Variants in MIPOL1 observed in about 807,000 individuals in gnomAD.
MIPOL1 encodes mirror-image polydactyly 1, also known as mirror-image polydactyly gene 1 protein.
A neutral mutation model predicts 60.9 loss-of-function variants in MIPOL1; 57 were observed. That is an observed-to-expected ratio of 0.94 (90% CI 0.76 to 1.17). The LOEUF is 1.17. Ranked by LOEUF, MIPOL1 falls within the 50% of genes most tolerant of loss-of-function variation. MIPOL1 has a pLI of 0.00. For missense variants in MIPOL1, 551 were observed against 511.6 expected (o/e 1.08, Z -0.74); for synonymous variants, 179 against 168.8 (o/e 1.06, Z -0.47).
intron 6 of MIPOL1, among the ~76,000 whole-genome samples, 157 bp downstream of exon 6, chr14:37,270,682 C>A (rs2083238201): frequency 8.3e-6 from 1 of 120,568 alleles, no homozygotes; most frequent in African/African-American, 3.2e-5. Context: ...AAATAGGTGG[C>A]TTTAACATCC....
At chr14:37,335,880 C>G (rs987815554) in intron 9 of MIPOL1, among the ~76,000 whole-genome samples, 2 of 151,994 alleles carry the variant, frequency 1.3e-5, no homozygotes, top group Non-Finnish European at 2.9e-5. Flanking sequence ...TTGGTTGTGT[C>G]CTTTTATGCA....
At chr14:37,319,467 AT>A (rs1343205655) in intron 9 of MIPOL1, among the ~76,000 whole-genome samples, 3 of 152,116 alleles carry the variant, frequency 2.0e-5, no homozygotes, top group Admixed American at 1.3e-4. Context: ...TTTTCTGATA[AT>A]GCAGAAAGTG....
chr14:37,398,627 GT>G (rs369709749), intron 10 of MIPOL1, among the ~76,000 whole-genome samples: 135 of 152,284 alleles, frequency 8.9e-4, no homozygotes, highest in African/African-American at 2.9e-3. Context: ...ACATTAAACA[GT>G]TTTGCGTATT....
At chr14:37,330,890 T>C (rs1271979708) in intron 9 of MIPOL1, among the ~76,000 whole-genome samples, 3 of 152,136 alleles carry the variant, frequency 2.0e-5, no homozygotes, top group African/African-American at 7.2e-5. Context: ...GACTTTTGTG[T>C]TCAGGACAGT....
At chr14:37,425,188 G>A (rs1371914376) in intron 11 of MIPOL1, among the ~76,000 whole-genome samples, 1 of 152,122 alleles carries the variant, frequency 6.6e-6, no homozygotes, top group Non-Finnish European at 1.5e-5. Context: ...CAAGACAGTA[G>A]GTGCTCTGTT....
At chr14:37,286,134 T>C (rs1194640762) in intron 7 of MIPOL1, among the ~76,000 whole-genome samples, 2 of 152,220 alleles carry the variant, frequency 1.3e-5, no homozygotes, top group African/African-American at 4.8e-5. Flanking sequence ...TTAATATCCC[T>C]GTTCCTGTTC....
At chr14:37,225,636 C>T (rs1445546262) in intron 1 of MIPOL1, among the ~76,000 whole-genome samples, 4 of 152,180 alleles carry the variant, frequency 2.6e-5, no homozygotes, top group Non-Finnish European at 5.9e-5. Flanking sequence ...CATAGGCCTC[C>T]GGGTCTGCAG....
chr14:37,543,941 G>A (rs184744318), intron 12 of MIPOL1, among the ~76,000 whole-genome samples: 260 of 152,330 alleles, frequency 1.7e-3, no homozygotes, highest in African/African-American at 6.0e-3. Context: ...GAAAGGTTGA[G>A]TGAGTGAATG....
At position 37,380,124 on chromosome 14, in the gene MIPOL1, G is replaced by C. The variant is rs2092886561; in HGVS notation, c.936+10500G>C. Among the ~76,000 whole-genome samples, 4 of 152,132 alleles carry C rather than the reference G, an allele frequency of 2.6e-5. No homozygotes were observed. The South Asian group carries it at 8.3e-4, about 31-fold the overall frequency. On this transcript the variant is annotated intron_variant, in intron 10 of 12. Transcript: ENST00000684589. ...AAGTAGGCCTGGGTCCATGTAGACA[G>C]CTGTAGACTATGGGCAATCTGAAGT...
Position 37,209,524 on chromosome 14 carries a change from G to A in MIPOL1, c.-199+11420G>A, listed in dbSNP as rs150187500. Among the ~76,000 whole-genome samples the A allele has an allele frequency of 7.8e-3, 1,194 of 152,190 alleles. 11 individuals are homozygous for A. Among genetic ancestry groups the A allele is most frequent in the African/African-American group, 0.027 (1,135 of 41,538 alleles). On this transcript the variant is annotated intron_variant, in intron 1 of 12. Coordinates refer to ENST00000684589, the MANE Select transcript of MIPOL1 (RefSeq NM_001388067.1). ...AAAATACAAAAATTACCTGGGCATG[G>A]TGGCGCTCGCCTGTAATCCCAGCTA...
At chr14:37,341,347 T>C (rs2090558894) in intron 9 of MIPOL1, among the ~76,000 whole-genome samples, 2 of 152,218 alleles carry the variant, frequency 1.3e-5, no homozygotes, top group Non-Finnish European at 2.9e-5. Flanking sequence ...TTTTGTTTTA[T>C]ATTTCTAAAA....
chr14:37,422,896 T>A lies in MIPOL1; in HGVS notation c.978T>A (p.Val326=). Residue 326 remains valine, a synonymous_variant, in exon 11 of 13, where the codon GTT becomes GTA. Transcript: ENST00000684589. ...LSMQQARETA[V]QQYKKLEEEI... Reference sequence around the variant, plus strand: ...TGCAACAAGCCAGAGAAACTGCAGTTCAACAGTACAAAAAACTGGAAGAGG... The same window carrying A: ...TGCAACAAGCCAGAGAAACTGCAGTACAACAGTACAAAAAACTGGAAGAGG... 6.2e-7 allele frequency: 1 copy of A among 1,609,520 alleles called. No individual in the cohort carries two copies. The highest frequency in any genetic ancestry group is 2.2e-5 in the East Asian group (1 of 44,610).
chr14:37,198,743 T>C (rs761123896), intron 1 of MIPOL1, among the ~76,000 whole-genome samples: 6 of 152,170 alleles, frequency 3.9e-5, no homozygotes, highest in Non-Finnish European at 7.3e-5. Flanking sequence ...AAAAGCTCCT[T>C]TGAGCATTTT....
chr14:37,359,998 A>G (rs542917751), intron 9 of MIPOL1, among the ~76,000 whole-genome samples: 1 of 152,102 alleles, frequency 6.6e-6, no homozygotes, highest in Non-Finnish European at 1.5e-5. Flanking sequence ...CGTTCCATCA[A>G]TGTCTAGTTC....
At chr14:37,226,334 A>G (rs1195886921) in intron 1 of MIPOL1, among the ~76,000 whole-genome samples, 1 of 152,220 alleles carries the variant, frequency 6.6e-6, no homozygotes, top group Non-Finnish European at 1.5e-5. Flanking sequence ...TACAAAAGAA[A>G]GAGGTTTAAT....
intron 1 of MIPOL1, among the ~76,000 whole-genome samples, chr14:37,234,361 C>CTTTTTTTTTTT (rs3061899): frequency 7.4e-6 from 1 of 135,116 alleles, no homozygotes; most frequent in Non-Finnish European, 1.6e-5. Flanking sequence ...CTTTTCTTTT[C>CTTTTTTTTTTT]TTTTTTTTTT....
At chr14:37,353,717 A>G (rs2091585366) in intron 9 of MIPOL1, among the ~76,000 whole-genome samples, 1 of 152,004 alleles carries the variant, frequency 6.6e-6, no homozygotes, top group Admixed American at 6.5e-5. Flanking sequence ...GTATTCTCTG[A>G]TGGTAGTTTG....
chr14:37,507,965 G>A (rs188555400), intron 12 of MIPOL1, among the ~76,000 whole-genome samples: 28 of 152,002 alleles, frequency 1.8e-4, no homozygotes, highest in Admixed American at 3.9e-4. Flanking sequence ...AAGTATTATC[G>A]GGTTTTCCTT....
chr14:37,494,543 A>G (rs2095090431), intron 11 of MIPOL1, among the ~76,000 whole-genome samples: 1 of 152,172 alleles, frequency 6.6e-6, no homozygotes, highest in Non-Finnish European at 1.5e-5. Flanking sequence ...GTGAGGAAGG[A>G]GGTAGAGAGG....
Sources: allele counts gnomAD v4.1 joint callset (sites outside exome capture counted in the v4.1 genomes callset), GRCh38; gene constraint gnomAD v4.1.1; transcripts MANE v1.5; gene names NCBI Gene and HGNC (gene_info 2026-07-23, HGNC 2026-07-21).